MAPK8: variants seen among roughly 807,000 people sequenced by gnomAD.
The protein encoded by MAPK8 is JUN N-terminal kinase.
Under a neutral mutation model 52.9 loss-of-function variants are expected in MAPK8, and 13 were observed. That is an observed-to-expected ratio of 0.25 (90% CI 0.16 to 0.39). The LOEUF (loss-of-function observed/expected upper bound fraction) is 0.39. Ranked by LOEUF, MAPK8 falls within the 10% of genes least tolerant of loss-of-function variation. MAPK8 has a pLI of 1.00. For synonymous variants in MAPK8, 191 were observed against 169.8 expected, an observed-to-expected ratio of 1.12 and a Z score of -0.97; for missense variants, 300 against 519.2, an observed-to-expected ratio of 0.58 and a Z score of 4.10.
rs75990904 is a variant in MAPK8, at chr10:48,386,481, G to A, written c.-49-15131G>A. Among the ~76,000 whole-genome samples the A allele has an allele frequency of 1.2e-4, 19 of 152,214 alleles. No individual in the cohort carries two copies. The East Asian group carries it at 2.1e-3, about 17-fold the overall frequency. The stretch of plus-strand genomic sequence containing the variant: ...GTTGAATGTCCTTGTGAAAATTGAC[G>A]TTGCTTTACTGACACTAATAATCTA... On this transcript the variant is annotated intron_variant, in intron 1 of 11. Coordinates refer to ENST00000374189, the MANE Select transcript of MAPK8 (RefSeq NM_001323329.2).
chr10:48,431,399 G>A, intron 11 of MAPK8, 129 bp downstream of exon 11: 1 of 647,490 alleles, frequency 1.5e-6, no homozygotes. Context: ...TAAGTATAAG[G>A]AAATACAGTT....
chr10:48,403,452 C>T (rs1212709340), intron 2 of MAPK8, among the ~76,000 whole-genome samples: 3 of 146,526 alleles, frequency 2.0e-5, no homozygotes, highest in Non-Finnish European at 1.5e-5. Context: ...AGTGAGACTC[C>T]GTCTAAAAAA....
intron 1 of MAPK8, among the ~76,000 whole-genome samples, chr10:48,337,265 G>C (rs1394871048): frequency 6.6e-6 from 1 of 152,112 alleles, no homozygotes; most frequent in Non-Finnish European, 1.5e-5. Context: ...CCAAGCATCT[G>C]TTTGGACCAC....
chr10:48,362,725 A>G (rs1010238297), intron 1 of MAPK8, among the ~76,000 whole-genome samples: 4 of 146,338 alleles, frequency 2.7e-5, no homozygotes, highest in Non-Finnish European at 5.9e-5. Context: ...TGTGATTTCC[A>G]AAATTTTATT....
At position 48,334,390 on chromosome 10, in the gene MAPK8, G is replaced by C. The variant is rs1263253146; in HGVS notation, c.-50+27569G>C. On this transcript the variant is annotated intron_variant, in intron 1 of 11. Transcript: ENST00000374189. Reference sequence around the variant, plus strand: ...GTTTCCCTCGCAGAACGGAACTGCAGATTGGGACTCTGCACTTGCCTTATA... The same window carrying C: ...GTTTCCCTCGCAGAACGGAACTGCACATTGGGACTCTGCACTTGCCTTATA... Among the ~76,000 whole-genome samples, 3 of 152,154 alleles carry C rather than the reference G, an allele frequency of 2.0e-5. No homozygotes were observed. The East Asian group carries it at 5.8e-4, about 29-fold the overall frequency.
intron 1 of MAPK8, among the ~76,000 whole-genome samples, chr10:48,367,829 A>G (rs1382251174): frequency 1.3e-5 from 2 of 152,368 alleles, no homozygotes; most frequent in East Asian, 1.9e-4. Flanking sequence ...ACTTGGAGAT[A>G]GTGGAAAAGG....
chr10:48,310,786 CAGAG>C (rs935386567), intron 1 of MAPK8, among the ~76,000 whole-genome samples: 11 of 141,246 alleles, frequency 7.8e-5, no homozygotes, highest in Non-Finnish European at 1.3e-4. Context: ...TGGAGAGAGA[CAGAG>C]AGGAGACCCC....
chr10:48,335,136 T>C (rs569591991), intron 1 of MAPK8, among the ~76,000 whole-genome samples: 51 of 152,318 alleles, frequency 3.3e-4, no homozygotes, highest in Non-Finnish European at 5.7e-4. Context: ...AGTACTTAGA[T>C]TTAGCATGCC....
At chr10:48,433,170 G>C (rs769114476) in intron 11 of MAPK8, among the ~76,000 whole-genome samples, 1 of 152,116 alleles carries the variant, frequency 6.6e-6, no homozygotes, top group Admixed American at 6.5e-5. Context: ...AGAATTTACT[G>C]TATTGCTTTA....
chr10:48,399,941 A>G (rs948573330), intron 1 of MAPK8, among the ~76,000 whole-genome samples: 5 of 152,228 alleles, frequency 3.3e-5, no homozygotes, highest in Non-Finnish European at 4.4e-5. Flanking sequence ...TACTGTCTCC[A>G]TGTCCCCCGC....
chr10:48,426,732 C>A, intron 9 of MAPK8: 1 of 515,540 alleles, frequency 1.9e-6, no homozygotes, highest in Non-Finnish European at 3.4e-6. Context: ...TGCCTGGATA[C>A]CTAACCAGAG....
chr10:48,382,489 A>G (rs1376329382), intron 1 of MAPK8, among the ~76,000 whole-genome samples: 1 of 152,172 alleles, frequency 6.6e-6, no homozygotes, highest in Non-Finnish European at 1.5e-5. Context: ...TGATATAAAA[A>G]TTCTAGCCAT....
At chr10:48,429,597 G>A (rs2044007719) in intron 10 of MAPK8, among the ~76,000 whole-genome samples, 1 of 152,096 alleles carries the variant, frequency 6.6e-6, no homozygotes, top group Non-Finnish European at 1.5e-5. Flanking sequence ...TTTTCCCAGA[G>A]GAGTGCTATT....
chr10:48,394,190 A>T (rs1454779082), intron 1 of MAPK8, among the ~76,000 whole-genome samples: 4 of 151,954 alleles, frequency 2.6e-5, no homozygotes, highest in Admixed American at 1.3e-4. Flanking sequence ...CTTCACTGAG[A>T]TAGTCTATGA....
intron 1 of MAPK8, among the ~76,000 whole-genome samples, chr10:48,378,194 C>G (rs982580588): frequency 5.9e-5 from 9 of 152,152 alleles, no homozygotes; most frequent in Admixed American, 1.3e-4. Flanking sequence ...CAGGAAGTCT[C>G]ACTCCCAGGT....
chr10:48,372,060 T>C (rs1451249260), intron 1 of MAPK8, among the ~76,000 whole-genome samples: 1 of 152,138 alleles, frequency 6.6e-6, no homozygotes, highest in East Asian at 1.9e-4. Flanking sequence ...AAAACAGTCC[T>C]TTAGAATTTT....
chr10:48,406,091 G>C (rs918973399), intron 3 of MAPK8, among the ~76,000 whole-genome samples: 4 of 152,176 alleles, frequency 2.6e-5, no homozygotes, highest in African/African-American at 9.7e-5. Flanking sequence ...AACTGGGAAG[G>C]CTTTGGGGAG....
At chr10:48,349,146 CAA>C (rs1441877090) in intron 1 of MAPK8, among the ~76,000 whole-genome samples, 1 of 152,118 alleles carries the variant, frequency 6.6e-6, no homozygotes, top group East Asian at 1.9e-4. Context: ...TAGAGACCTA[CAA>C]AGAGACTTAG....
At chr10:48,371,234 A>C (rs1173932197) in intron 1 of MAPK8, among the ~76,000 whole-genome samples, 2 of 152,182 alleles carry the variant, frequency 1.3e-5, no homozygotes, top group African/African-American at 4.8e-5. Flanking sequence ...ATTATTAGCT[A>C]TAGTCTGGCT....
Sources: allele counts gnomAD v4.1 joint callset (sites outside exome capture counted in the v4.1 genomes callset), GRCh38; gene constraint gnomAD v4.1.1; transcripts MANE v1.5; gene names NCBI Gene and HGNC (gene_info 2026-07-23, HGNC 2026-07-21).